Variants in ZGRF1 observed in about 807,000 individuals in gnomAD.
ZGRF1 encodes the protein zinc finger GRF-type containing 1.
In ZGRF1, 196 loss-of-function variants were observed where a neutral mutation model predicts 203.5. That is an observed-to-expected ratio of 0.96 (90% CI 0.86 to 1.08). The LOEUF (loss-of-function observed/expected upper bound fraction) is 1.08, where lower values mean the gene tolerates loss of function less well. Ranked by LOEUF, ZGRF1 falls within the 50% of genes least tolerant of loss-of-function variation. The pLI, the probability that ZGRF1 is intolerant of heterozygous loss-of-function variation, is 0.00. For missense variants in ZGRF1, 2,326 were observed against 2,416.3 expected, an observed-to-expected ratio of 0.96 and a Z score of 0.78; for synonymous variants, 809 against 841.3, an observed-to-expected ratio of 0.96 and a Z score of 0.66.
At position 112,560,742 on chromosome 4, in the gene ZGRF1, T is replaced by C. The variant is rs771204683; in HGVS notation, c.4951A>G (p.Ile1651Val). The C allele has an allele frequency of 6.3e-6, 10 of 1,585,290 alleles. 1 individual carries two copies. Among genetic ancestry groups the C allele is most frequent in the South Asian group, 4.5e-5 (4 of 88,234 alleles). ...ELQTHTFPIT[I>V]IHGVFGAGKS... Reference sequence around the variant, plus strand: ...CTTTCTTGCTTCTTACCATGTATGATTGTGATAGGGAAGGTATGAGTTTGC... The same window carrying C: ...CTTTCTTGCTTCTTACCATGTATGACTGTGATAGGGAAGGTATGAGTTTGC... The change falls in exon 19 of 28, where the codon ATC (isoleucine) becomes GTC (valine). Residue 1651 changes from isoleucine to valine, a missense_variant. Physicochemically the swap from Ile to Val is conservative, Grantham distance 29. Coordinates refer to ENST00000505019, the MANE Select transcript of ZGRF1 (RefSeq NM_018392.5).
intron 23 of ZGRF1, 24 bp downstream of exon 23, chr4:112,548,228 CT>C: frequency 6.4e-7 from 1 of 1,551,074 alleles, no homozygotes; most frequent in Non-Finnish European, 8.7e-7. Context: ...GGTATTACCC[CT>C]GGGGAAAGAA....
rs866750122 is a variant in ZGRF1 at position 112,580,086 on chromosome 4, C to T, written c.4438+1577G>A. On this transcript the variant is annotated intron_variant, in intron 16 of 27. Coordinates refer to ENST00000505019, the MANE Select transcript of ZGRF1 (RefSeq NM_018392.5). ...ACTGGTACCAAAACAGAGATATAGA[C>T]CAATGGAACAGAACAGAGCCCTCAG... is the stretch of plus-strand genomic sequence containing the variant. Among the ~76,000 whole-genome samples, 18 of 121,790 alleles carry T rather than the reference C, an allele frequency of 1.5e-4. 5 individuals are homozygous for T. The highest frequency in any genetic ancestry group is 2.6e-4 in the Non-Finnish European group (14 of 54,692). 79.9% of individuals were successfully genotyped at this position (121,790 alleles called of 152,430 possible).
chr4:112,627,836 T>C (rs147811848), intron 3 of ZGRF1, among the ~76,000 whole-genome samples: 1 of 152,260 alleles, frequency 6.6e-6, no homozygotes, highest in Non-Finnish European at 1.5e-5. Flanking sequence ...AAATTCTTCA[T>C]GATATTGTTC....
chr4:112,571,653 G>C (rs887816467), intron 16 of ZGRF1, among the ~76,000 whole-genome samples: 1 of 151,920 alleles, frequency 6.6e-6, no homozygotes, highest in African/African-American at 2.4e-5. Flanking sequence ...CCAAAGTGTC[G>C]GGATTACAGG....
chr4:112,574,090 T>C, intron 16 of ZGRF1, among the ~76,000 whole-genome samples: 1 of 152,224 alleles, frequency 6.6e-6, no homozygotes, highest in East Asian at 1.9e-4. Context: ...GTGTGAAGTA[T>C]GTTCATATGC....
intron 10 of ZGRF1, among the ~76,000 whole-genome samples, chr4:112,590,858 G>A (rs544805161): frequency 5.2e-4 from 77 of 149,024 alleles, no homozygotes; most frequent in African/African-American, 1.9e-3. Flanking sequence ...CCTGGGAGGC[G>A]AGGTTGCAGT....
chr4:112,558,133 G>A lies in ZGRF1; in HGVS notation c.5120+17C>T. ...ATCCCAAAACATTAGCTACTTAAATGCACTTGTCATGCCTACCCAAGAAGT... is the reference window on the plus strand; with the variant it reads ...ATCCCAAAACATTAGCTACTTAAATACACTTGTCATGCCTACCCAAGAAGT... On this transcript the variant is annotated intron_variant, in intron 20 of 27. Transcript: ENST00000505019. The A allele has an allele frequency of 6.3e-7, 1 of 1,593,510 alleles. No individual in the cohort carries two copies. The highest frequency in any genetic ancestry group is 8.5e-7 in the Non-Finnish European group (1 of 1,171,860).
intron 12 of ZGRF1, among the ~76,000 whole-genome samples, chr4:112,586,858 T>C (rs1274905739): frequency 6.6e-6 from 1 of 152,214 alleles, no homozygotes. Context: ...CTGATGTGAA[T>C]GGATCATTAC....
chr4:112,557,250 C>A (rs994682971), intron 20 of ZGRF1, among the ~76,000 whole-genome samples: 5 of 151,922 alleles, frequency 3.3e-5, no homozygotes, highest in Admixed American at 6.6e-5. Context: ...CAGCTCACTG[C>A]AGCCTCTGCC....
Position 112,562,449 on chromosome 4 carries a change from G to A in ZGRF1, c.4619C>T (p.Thr1540Ile), listed in dbSNP as rs1178684215. The change falls in exon 18 of 28, where the codon ACA (threonine) becomes ATA (isoleucine). Residue 1540 changes from threonine (T) to isoleucine (I), a missense_variant. Physicochemically the swap from Thr to Ile is moderately conservative, Grantham distance 89 (BLOSUM62 -1). Transcript: ENST00000505019. ...AATGTTTTTCAAAGTAGTCAGTTCTGTGCTAGCATTACAAACCAATAACGC... is the reference window on the plus strand; with the variant it reads ...AATGTTTTTCAAAGTAGTCAGTTCTATGCTAGCATTACAAACCAATAACGC... ...VHALLVCNAS[T>I]ELTTLKNIQD... 3 of 1,609,122 alleles carry A rather than the reference G, an allele frequency of 1.9e-6. No homozygotes were observed. Among genetic ancestry groups the A allele is most frequent in the East Asian group, 4.5e-5 (2 of 44,796 alleles).
chr4:112,598,671 T>A (rs1409378131), intron 10 of ZGRF1, among the ~76,000 whole-genome samples: 1 of 151,974 alleles, frequency 6.6e-6, no homozygotes, highest in Non-Finnish European at 1.5e-5. Flanking sequence ...ATTAAAAACA[T>A]TAAGTGAAAA....
chr4:112,565,913 T>G (rs947336922), intron 16 of ZGRF1, among the ~76,000 whole-genome samples: 2 of 152,140 alleles, frequency 1.3e-5, no homozygotes, highest in Admixed American at 6.6e-5. Context: ...TGTAAACTAG[T>G]TCAACCCTGT....
At chr4:112,548,206 G>C (rs1450397209) in intron 23 of ZGRF1, 47 bp downstream of exon 23, 1 of 1,535,470 alleles carries the variant, frequency 6.5e-7, no homozygotes, top group South Asian at 1.2e-5. Flanking sequence ...CTCCTAAAGT[G>C]CTAGGATTAC....
chr4:112,620,084 G>T lies in ZGRF1; in HGVS notation c.269C>A (p.Ala90Glu). The change falls in exon 5 of 28, where the codon GCA becomes GAA. Residue 90 changes from alanine (A) to glutamate (E), a missense_variant. Coordinates refer to ENST00000505019, the MANE Select transcript of ZGRF1 (RefSeq NM_018392.5). ...GIVKQNVNKE[A>E]PELNSRTFIS... Reference sequence around the variant, plus strand: ...AAATGTCCTTGAATTTAACTCTGGTGCTTCTTTATTGACATTCTGCTTAAC... The same window carrying T: ...AAATGTCCTTGAATTTAACTCTGGTTCTTCTTTATTGACATTCTGCTTAAC... 1 of 1,613,282 alleles carries T rather than the reference G, an allele frequency of 6.2e-7. No individual in the cohort carries two copies. Among genetic ancestry groups the T allele is most frequent in the Non-Finnish European group, 8.5e-7 (1 of 1,179,504 alleles).
rs574002139 is a variant in ZGRF1, at chr4:112,575,668, C to A, written c.4438+5995G>T. On this transcript the variant is annotated intron_variant, in intron 16 of 27. Coordinates refer to ENST00000505019, the MANE Select transcript of ZGRF1 (RefSeq NM_018392.5). ...ATCAGAGGGTCCTACACCCACGGAG[C>A]CTCGCTCATTGCTAACAGAGCAGTC... is the stretch of plus-strand genomic sequence containing the variant. Among the ~76,000 whole-genome samples the A allele has an allele frequency of 4.6e-5, 7 of 152,310 alleles. 1 individual carries two copies. The South Asian group carries it at 8.3e-4, about 18-fold the overall frequency.
At chr4:112,544,027 T>TA (rs1560731167) in intron 24 of ZGRF1, among the ~76,000 whole-genome samples, 1 of 152,020 alleles carries the variant, frequency 6.6e-6, no homozygotes, top group Non-Finnish European at 1.5e-5. Flanking sequence ...AGATTTTTTT[T>TA]AAAAAGCCAT....
chr4:112,622,200 T>C (rs1232840529), intron 4 of ZGRF1, among the ~76,000 whole-genome samples: 3 of 151,988 alleles, frequency 2.0e-5, no homozygotes, highest in South Asian at 4.2e-4. Flanking sequence ...GTCATCATCA[T>C]AGTATGCATT....
chr4:112,565,301 T>C, intron 16 of ZGRF1: 4 of 1,488,112 alleles, frequency 2.7e-6, no homozygotes. Flanking sequence ...GTTGGCCTTT[T>C]TGAAGACACC....
chr4:112,601,452 T>C (rs1749959801), intron 10 of ZGRF1, among the ~76,000 whole-genome samples: 1 of 151,852 alleles, frequency 6.6e-6, no homozygotes, highest in Admixed American at 6.6e-5. Context: ...CGCATGTCTG[T>C]AATCCCAGCT....
Sources: allele counts gnomAD v4.1 joint callset (sites outside exome capture counted in the v4.1 genomes callset), GRCh38; gene constraint gnomAD v4.1.1; transcripts MANE v1.5; gene names NCBI Gene and HGNC (gene_info 2026-07-23, HGNC 2026-07-21).